The following DPP10 variants were observed in gnomAD, a reference collection of about 807,000 sequenced individuals.
The protein encoded by DPP10 is dipeptidyl peptidase like 10.
In DPP10, 33 loss-of-function variants were observed where a neutral mutation model predicts 120.9. The ratio of observed to expected loss-of-function variants is 0.27; its 90% CI spans 0.21 to 0.37. The LOEUF (loss-of-function observed/expected upper bound fraction) is 0.37, where lower values mean the gene tolerates loss of function less well. Among genes scored for constraint, DPP10 ranks in the 10% least tolerant of loss-of-function variants. DPP10 has a pLI of 1.00. For synonymous variants in DPP10, 337 were observed against 326.1 expected (o/e 1.03, Z -0.36); for missense variants, 816 against 942.8 (o/e 0.87, Z 1.76).
chr2:115,782,191 G>A (rs1297034957), intron 16 of DPP10, among the ~76,000 whole-genome samples, 161 bp from the exon 17 acceptor site: 2 of 151,820 alleles, frequency 1.3e-5, no homozygotes, highest in Admixed American at 6.6e-5. Context: ...TGAATAAAAC[G>A]CTTATAAATA....
Position 115,670,304 on chromosome 2 carries a change from C to A in DPP10, c.442-19383C>A, listed in dbSNP as rs561823511. Among the ~76,000 whole-genome samples the A allele has an allele frequency of 1.1e-4, 17 of 151,522 alleles. No homozygotes were observed. In the East Asian group the frequency reaches 2.5e-3, roughly 22 times the overall value. Reference sequence around the variant, plus strand: ...ACAACATTTTGTCCACAGAAGTGGCCAAAAAAACAAAAATGACTATTGTAT... The same window carrying A: ...ACAACATTTTGTCCACAGAAGTGGCAAAAAAAACAAAAATGACTATTGTAT... On this transcript the variant is annotated intron_variant, in intron 5 of 25. Coordinates refer to ENST00000410059, the MANE Select transcript of DPP10 (RefSeq NM_020868.6).
chr2:115,143,356 A>T lies in DPP10; in HGVS notation c.61-165883A>T, dbSNP rs867401123. 3.3e-4 allele frequency among the ~76,000 whole-genome samples: 50 copies of T among 152,252 alleles called. 1 individual carries two copies. Among genetic ancestry groups the T allele is most frequent in the African/African-American group, 1.2e-3 (49 of 41,476 alleles). ...GTTAAAGTACTAGTTATAAAACTAAAGAAAATATTTAGGCCACTGGAAGTA... is the reference window on the plus strand; with the variant it reads ...GTTAAAGTACTAGTTATAAAACTAATGAAAATATTTAGGCCACTGGAAGTA... On this transcript the variant is annotated intron_variant, in intron 1 of 25. Transcript: ENST00000410059.
chr2:115,521,987 A>T (rs1006767687), intron 4 of DPP10, among the ~76,000 whole-genome samples: 1 of 152,092 alleles, frequency 6.6e-6, no homozygotes, highest in East Asian at 1.9e-4. Flanking sequence ...TTATTCTCAT[A>T]TTGTAGGTTG....
At chr2:114,628,493 A>T (rs1027924706) in intron 1 of DPP10, among the ~76,000 whole-genome samples, 5 of 152,174 alleles carry the variant, frequency 3.3e-5, no homozygotes, top group African/African-American at 7.2e-5. Context: ...CTTCATTAAG[A>T]CATAAAGACC....
At chr2:114,667,446 G>T (rs975071305) in intron 1 of DPP10, among the ~76,000 whole-genome samples, 1 of 152,158 alleles carries the variant, frequency 6.6e-6, no homozygotes, top group African/African-American at 2.4e-5. Context: ...AAATGCAAAT[G>T]AATTAGGTAT....
chr2:115,182,759 G>A (rs771274701), intron 1 of DPP10, among the ~76,000 whole-genome samples: 1 of 152,168 alleles, frequency 6.6e-6, no homozygotes, highest in Non-Finnish European at 1.5e-5. Flanking sequence ...TCAGAAGGAA[G>A]ATACCTCCCT....
intron 1 of DPP10, among the ~76,000 whole-genome samples, chr2:115,195,518 C>T (rs2055196178): frequency 6.6e-6 from 1 of 152,206 alleles, no homozygotes; most frequent in African/African-American, 2.4e-5. Flanking sequence ...CACTCTCAAG[C>T]CTGCTTCTGT....
Position 114,958,403 on chromosome 2 carries a change from G to A in DPP10, c.61-350836G>A, listed in dbSNP as rs552632472. Among the ~76,000 whole-genome samples the A allele has an allele frequency of 1.6e-4, 25 of 152,202 alleles. No individual in the cohort carries two copies. In the South Asian group the frequency reaches 5.2e-3, roughly 32 times the overall value. On this transcript the variant is annotated intron_variant, in intron 1 of 25. Transcript: ENST00000410059. ...CCGAGTCCTTCTCAGGCCATATTTA[G>A]CTCACTTTAACGGGTACAAAGTTTC...
chr2:114,612,706 A>T (rs775799198), intron 1 of DPP10, among the ~76,000 whole-genome samples: 1 of 152,212 alleles, frequency 6.6e-6, no homozygotes, highest in Non-Finnish European at 1.5e-5. Flanking sequence ...TTAGCAGTTC[A>T]TAGAAAAATC....
intron 1 of DPP10, among the ~76,000 whole-genome samples, chr2:114,795,985 A>T (rs1385420218): frequency 6.6e-6 from 1 of 152,174 alleles, no homozygotes; most frequent in Non-Finnish European, 1.5e-5. Context: ...CTGTACTACT[A>T]TAGTAATTTT....
chr2:115,645,145 G>T (rs2087128793), intron 5 of DPP10, among the ~76,000 whole-genome samples: 1 of 152,074 alleles, frequency 6.6e-6, no homozygotes, highest in Admixed American at 6.6e-5. Context: ...GACACAGACT[G>T]TTTTAGCTTA....
In DPP10 at chr2:114,916,237, A is replaced by C. The variant is rs371814676; in HGVS notation, c.61-393002A>C. Among the ~76,000 whole-genome samples the C allele has an allele frequency of 7.9e-5, 12 of 152,332 alleles. No individual in the cohort carries two copies. The East Asian group carries it at 1.2e-3, about 15-fold the overall frequency. On this transcript the variant is annotated intron_variant, in intron 1 of 25. Coordinates refer to ENST00000410059, the MANE Select transcript of DPP10 (RefSeq NM_020868.6). Reference sequence around the variant, plus strand: ...ACTACAAAACCTAGAAGAAATGGATAAATTCCTGGAAACATATAACATGCT... The same window carrying C: ...ACTACAAAACCTAGAAGAAATGGATCAATTCCTGGAAACATATAACATGCT...
intron 1 of DPP10, among the ~76,000 whole-genome samples, chr2:114,532,032 G>A (rs554968435): frequency 1.8e-4 from 28 of 151,788 alleles, no homozygotes; most frequent in Middle Eastern, 3.4e-3. Context: ...TTTGCTTTCC[G>A]TTTGAAACAT....
At chr2:115,025,645 C>G (rs1703406390) in intron 1 of DPP10, among the ~76,000 whole-genome samples, 1 of 152,114 alleles carries the variant, frequency 6.6e-6, no homozygotes, top group Non-Finnish European at 1.5e-5. Context: ...TTTCCCCTTC[C>G]TCAACATCTT....
chr2:115,732,061 C>T (rs1177252918), intron 8 of DPP10, among the ~76,000 whole-genome samples: 1 of 127,382 alleles, frequency 7.9e-6, no homozygotes, highest in Non-Finnish European at 1.8e-5. Flanking sequence ...CTAGGGAATG[C>T]ATGTAATTTC....
intron 1 of DPP10, among the ~76,000 whole-genome samples, chr2:114,710,706 C>G (rs576793851): frequency 1.3e-5 from 2 of 152,112 alleles, no homozygotes; most frequent in African/African-American, 2.4e-5. Flanking sequence ...GATCATGACA[C>G]TGCACTCCAG....
chr2:115,219,447 C>T (rs2057020423), intron 1 of DPP10, among the ~76,000 whole-genome samples: 1 of 152,106 alleles, frequency 6.6e-6, no homozygotes, highest in South Asian at 2.1e-4. Flanking sequence ...CACACAAACA[C>T]ACATATACAA....
intron 7 of DPP10, among the ~76,000 whole-genome samples, chr2:115,701,243 A>G (rs2149533241): frequency 6.6e-6 from 1 of 152,270 alleles, no homozygotes; most frequent in Middle Eastern, 3.4e-3. Flanking sequence ...GCTGGTACAA[A>G]GACAGTAATA....
intron 5 of DPP10, among the ~76,000 whole-genome samples, chr2:115,610,502 T>TGC: frequency 1.5e-5 from 1 of 67,402 alleles, no homozygotes; most frequent in Non-Finnish European, 2.9e-5. Flanking sequence ...TGTGTGTGTG[T>TGC]GTGTGTGTGT....
Sources: gnomAD v4.1 joint callset for allele counts (sites outside exome capture counted in the v4.1 genomes callset) on GRCh38, gnomAD v4.1.1 for gene constraint, MANE v1.5 for transcripts, NCBI Gene and HGNC (gene_info 2026-07-23, HGNC 2026-07-21) for gene names.